SUGCT: variants seen among roughly 807,000 people sequenced by gnomAD.
SUGCT encodes the protein succinyl-CoA:glutarate-CoA transferase.
In SUGCT, 41 loss-of-function variants were observed where a neutral mutation model predicts 55.0. The observed-to-expected ratio is 0.74, with a 90% CI of 0.58 to 0.97. SUGCT has a LOEUF of 0.97. Among genes scored for constraint, SUGCT ranks in the 50% least tolerant of loss-of-function variants. The probability of loss-of-function intolerance (pLI) is 0.00; values close to 1 mark genes in which losing one functional copy is unlikely to be tolerated. For missense variants in SUGCT, 568 were observed against 547.8 expected (o/e 1.04, Z -0.37); for synonymous variants, 187 against 200.4 (o/e 0.93, Z 0.56).
chr7:40,357,545 CAT>C (rs1043756068), intron 9 of SUGCT, among the ~76,000 whole-genome samples: 3 of 152,126 alleles, frequency 2.0e-5, no homozygotes, highest in African/African-American at 4.8e-5. Flanking sequence ...GAGAATGCGA[CAT>C]GTGGTCTCGG....
intron 12 of SUGCT, among the ~76,000 whole-genome samples, chr7:40,710,520 T>C (rs1419669456): frequency 6.6e-6 from 1 of 152,098 alleles, no homozygotes; most frequent in African/African-American, 2.4e-5. Context: ...TTCCTCCTCC[T>C]TCATTCTCAC....
chr7:40,858,403 CAAAAAAA>C (rs58628576), intron 13 of SUGCT, among the ~76,000 whole-genome samples: 72 of 34,752 alleles, frequency 2.1e-3, no homozygotes, highest in East Asian at 0.012. Context: ...AATTCCATCT[CAAAAAAA>C]AAAAAAAAAA....
At chr7:40,728,198 C>T (rs1222610664) in intron 12 of SUGCT, among the ~76,000 whole-genome samples, 1 of 151,952 alleles carries the variant, frequency 6.6e-6, no homozygotes, top group Non-Finnish European at 1.5e-5. Flanking sequence ...CTCCTTTCAC[C>T]CTTGAAAGTT....
At chr7:40,869,407 C>T in the SUGCT span, among the ~76,000 whole-genome samples, 1 of 152,318 alleles carries the variant, frequency 6.6e-6, no homozygotes, top group South Asian at 2.1e-4. Context: ...AGCAACAAAA[C>T]AGGGACCTCA....
intron 13 of SUGCT, among the ~76,000 whole-genome samples, chr7:40,773,759 T>G (rs1226395312): frequency 2.6e-5 from 4 of 152,136 alleles, no homozygotes; most frequent in African/African-American, 9.7e-5. Flanking sequence ...GTGTGGAAAA[T>G]TAAGGTGTGC....
chr7:40,331,598 T>TGCC (rs144202989), intron 9 of SUGCT, among the ~76,000 whole-genome samples: 20,339 of 103,040 alleles, frequency 0.2, 1,638 homozygotes, highest in East Asian at 0.64. Context: ...ACCGCAGGCC[T>TGCC]GCTGCTATCT....
chr7:40,749,837 G>A (rs1562979934), intron 13 of SUGCT, among the ~76,000 whole-genome samples: 1 of 152,176 alleles, frequency 6.6e-6, no homozygotes, highest in Non-Finnish European at 1.5e-5. Context: ...GAAATAGAGT[G>A]TCGTTCATAT....
chr7:40,888,027 G>A, the SUGCT span, among the ~76,000 whole-genome samples: 1 of 152,072 alleles, frequency 6.6e-6, no homozygotes, highest in Non-Finnish European at 1.5e-5. Flanking sequence ...TGGCAGAGCT[G>A]GGGTTGAAAA....
In SUGCT at chr7:40,181,984, A is replaced by G. The variant is rs1193132361; in HGVS notation, c.182A>G (p.Asn61Ser). The G allele has an allele frequency of 6.2e-7, 1 of 1,602,054 alleles. No homozygotes were observed. The highest frequency in any genetic ancestry group is 8.5e-7 in the Non-Finnish European group (1 of 1,172,806). Residue 61 changes from asparagine (N) to serine (S), a missense_variant, in exon 3 of 14, where the codon AAT (asparagine) becomes AGT (serine). Physicochemically the swap from Asn to Ser is conservative, Grantham distance 46. Coordinates refer to ENST00000335693, the MANE Select transcript of SUGCT (RefSeq NM_001193313.2). ...CTGGCGGGACCTTTTGCTACTATGA[A>G]TTTAGGAGATCTTGGAGCAGAAGTT... ...RVLAGPFATM[N>S]LGDLGAEVIK...
At chr7:40,157,012 C>CAAAAAA (rs3046489) in intron 1 of SUGCT, among the ~76,000 whole-genome samples, 2 of 116,856 alleles carry the variant, frequency 1.7e-5, no homozygotes. Context: ...AAGACTGTCT[C>CAAAAAA]AAAAAAAAAA....
chr7:40,149,476 A>G (rs928290248), intron 1 of SUGCT, among the ~76,000 whole-genome samples: 2 of 152,212 alleles, frequency 1.3e-5, no homozygotes, highest in Non-Finnish European at 2.9e-5. Flanking sequence ...TAGGACTAGC[A>G]TTAGCCATAA....
chr7:40,656,849 C>A (rs1801039226), intron 12 of SUGCT, among the ~76,000 whole-genome samples: 1 of 152,212 alleles, frequency 6.6e-6, no homozygotes, highest in Admixed American at 6.5e-5. Context: ...AGGCAAGACC[C>A]TCAACTGGGG....
chr7:40,881,677 C>G, the SUGCT span, among the ~76,000 whole-genome samples: 1 of 152,180 alleles, frequency 6.6e-6, no homozygotes, highest in Non-Finnish European at 1.5e-5. Context: ...AATCTCTTTT[C>G]CAGATCTCAG....
intron 12 of SUGCT, among the ~76,000 whole-genome samples, chr7:40,534,785 A>C (rs1243143679): frequency 2.0e-5 from 3 of 152,206 alleles, no homozygotes; most frequent in Admixed American, 2.0e-4. Flanking sequence ...AAATTTGAAA[A>C]ATTACTTATG....
chr7:40,528,643 A>G (rs904682994), intron 12 of SUGCT, among the ~76,000 whole-genome samples: 1 of 152,224 alleles, frequency 6.6e-6, no homozygotes. Context: ...GTAAAATATA[A>G]TTTTATGAAA....
chr7:40,504,934 C>G (rs150699711), intron 12 of SUGCT, among the ~76,000 whole-genome samples: 1 of 152,246 alleles, frequency 6.6e-6, no homozygotes, highest in East Asian at 1.9e-4. Flanking sequence ...TGATATCACT[C>G]ATTGTGTTTG....
intron 5 of SUGCT, among the ~76,000 whole-genome samples, chr7:40,193,894 C>T (rs1348756320): frequency 6.6e-6 from 1 of 152,078 alleles, no homozygotes; most frequent in Non-Finnish European, 1.5e-5. Flanking sequence ...AGTCACTGCA[C>T]CTGGCCCTTT....
At chr7:40,264,354 A>G (rs924938140) in intron 7 of SUGCT, among the ~76,000 whole-genome samples, 3 of 152,162 alleles carry the variant, frequency 2.0e-5, no homozygotes, top group Admixed American at 2.0e-4. Context: ...ACTAAATGGA[A>G]TTTCCTTCAA....
At chr7:40,779,972 T>C (rs1157125495) in intron 13 of SUGCT, among the ~76,000 whole-genome samples, 1 of 152,188 alleles carries the variant, frequency 6.6e-6, no homozygotes, top group Non-Finnish European at 1.5e-5. Context: ...GTCGGCAAAC[T>C]GTGTGGAAGC....
Sources: allele counts gnomAD v4.1 joint callset (sites outside exome capture counted in the v4.1 genomes callset), GRCh38; gene constraint gnomAD v4.1.1; transcripts MANE v1.5; gene names NCBI Gene and HGNC (gene_info 2026-07-23, HGNC 2026-07-21).